Variants in SCRG1 observed in about 807,000 individuals in gnomAD.
SCRG1 encodes stimulator of chondrogenesis 1.
In SCRG1, 3 loss-of-function variants were observed where a neutral mutation model predicts 7.7. The observed-to-expected ratio is 0.39, with a 90% CI of 0.18 to 1.01. SCRG1 has a LOEUF of 1.01. SCRG1 is among the 50% of genes least tolerant of loss of function. The pLI, the probability that SCRG1 is intolerant of heterozygous loss-of-function variation, is 0.36. For synonymous variants in SCRG1, 46 were observed against 41.2 expected (o/e 1.12, Z -0.44); for missense variants, 110 against 117.2 (o/e 0.94, Z 0.28).
the SCRG1 span, among the ~76,000 whole-genome samples, chr4:173,461,021 T>G: frequency 6.6e-6 from 1 of 152,164 alleles, no homozygotes; most frequent in Admixed American, 6.5e-5. Flanking sequence ...AAGGACTGTG[T>G]CTTATGGTTT....
At chr4:173,394,083 T>C (rs1578962794) in intron 1 of SCRG1, among the ~76,000 whole-genome samples, 2 of 152,076 alleles carry the variant, frequency 1.3e-5, no homozygotes, top group South Asian at 4.1e-4. Flanking sequence ...CTAAGTCTTT[T>C]GATTGGAGAG....
At chr4:173,457,439 CT>C in the SCRG1 span, among the ~76,000 whole-genome samples, 24 of 152,152 alleles carry the variant, frequency 1.6e-4, no homozygotes, top group African/African-American at 5.3e-4. Flanking sequence ...AAAAGAAAAG[CT>C]TTTTTTGTCT....
chr4:173,452,442 T>C, the SCRG1 span, among the ~76,000 whole-genome samples: 1 of 152,256 alleles, frequency 6.6e-6, no homozygotes, highest in South Asian at 2.1e-4. Context: ...AGTGGACCCA[T>C]GCAGTTCAAA....
At chr4:173,471,738 T>C in the SCRG1 span, among the ~76,000 whole-genome samples, 5 of 152,188 alleles carry the variant, frequency 3.3e-5, no homozygotes, top group Non-Finnish European at 5.9e-5. Flanking sequence ...TTTTGCTTTT[T>C]TGCTCTTGTT....
chr4:173,392,868 A>T (rs991690862), intron 1 of SCRG1, among the ~76,000 whole-genome samples: 1 of 152,234 alleles, frequency 6.6e-6, no homozygotes, highest in Non-Finnish European at 1.5e-5. Context: ...AACCCGGCAG[A>T]TCACCTGAGG....
chr4:173,466,156 C>A, the SCRG1 span, among the ~76,000 whole-genome samples: 1 of 152,144 alleles, frequency 6.6e-6, no homozygotes, highest in Non-Finnish European at 1.5e-5. Flanking sequence ...AGCTTACACT[C>A]GTGGCCAAAT....
the SCRG1 span, among the ~76,000 whole-genome samples, chr4:173,486,836 C>T: frequency 7.2e-5 from 11 of 152,166 alleles, no homozygotes; most frequent in Non-Finnish European, 1.5e-4. Flanking sequence ...GACCACATCC[C>T]TCTGGAATTT....
the SCRG1 span, among the ~76,000 whole-genome samples, chr4:173,447,124 C>T: frequency 6.6e-6 from 1 of 152,194 alleles, no homozygotes; most frequent in African/African-American, 2.4e-5. Flanking sequence ...TTATTTCTCA[C>T]AGTGCTGGAG....
In SCRG1 at chr4:173,388,375, T is replaced by C; in HGVS notation, c.263A>G (p.Lys88Arg). Residue 88 changes from lysine (K) to arginine (R), a missense_variant, in exon 3 of 3, where the codon AAG (lysine) becomes AGG (arginine). Physicochemically the swap from Lys to Arg is conservative, Grantham distance 26 (BLOSUM62 2). Transcript: ENST00000296506. ...CCPKDVFFGP[K>R]ISFVIPCNNQ ...GTTGCAAGGAATCACGAAAGAGATC[T>C]TTGGTCCAAAGAAAACGTCTCTGAA... 1 of 1,612,228 alleles carries C rather than the reference T, an allele frequency of 6.2e-7. No homozygotes were observed. Among genetic ancestry groups the C allele is most frequent in the Admixed American group, 1.7e-5 (1 of 59,848 alleles).
the SCRG1 span, among the ~76,000 whole-genome samples, chr4:173,504,962 G>A: frequency 6.6e-6 from 1 of 152,228 alleles, no homozygotes; most frequent in Non-Finnish European, 1.5e-5. The surrounding 1 kb of genome is among the most constrained non-coding windows in gnomAD (Gnocchi z 4.7). Context: ...TCACTTGTCT[G>A]TCAGCCTTGA....
chr4:173,396,332 G>A (rs1015598762), intron 1 of SCRG1, among the ~76,000 whole-genome samples: 1 of 152,314 alleles, frequency 6.6e-6, no homozygotes, highest in East Asian at 1.9e-4. Flanking sequence ...GATATTTATT[G>A]ATAGTATCTA....
chr4:173,483,783 C>G, the SCRG1 span, among the ~76,000 whole-genome samples: 25 of 19,230 alleles, frequency 1.3e-3, 7 homozygotes, highest in East Asian at 7.0e-3. Context: ...TATGATATAT[C>G]ATATATCATA....
At chr4:173,409,569 G>T (rs13114285), upstream of SCRG1, among the ~76,000 whole-genome samples, 3,232 of 147,740 alleles carry the variant, frequency 0.022, 47 homozygotes, top group Non-Finnish European at 0.035. Context: ...CTGGATCTGC[G>T]TTGGTAGTTC....
the SCRG1 span, among the ~76,000 whole-genome samples, chr4:173,480,564 C>T: frequency 6.6e-6 from 1 of 152,046 alleles, no homozygotes. Context: ...TGAAACATCA[C>T]ACTGTACTCC....
chr4:173,445,713 C>T, the SCRG1 span, among the ~76,000 whole-genome samples: 22 of 149,868 alleles, frequency 1.5e-4, no homozygotes, highest in South Asian at 1.3e-3. Context: ...TCTTCTAGGC[C>T]GGAGTGCAGT....
the SCRG1 span, among the ~76,000 whole-genome samples, chr4:173,519,071 A>G: frequency 2.6e-5 from 4 of 151,720 alleles, no homozygotes; most frequent in African/African-American, 9.7e-5. Context: ...CGTCTACGCT[A>G]TTAGCAGCCA....
chr4:173,414,245 A>T, the SCRG1 span, among the ~76,000 whole-genome samples: 1 of 152,198 alleles, frequency 6.6e-6, no homozygotes, highest in Non-Finnish European at 1.5e-5. Flanking sequence ...TTCCTCCCTG[A>T]CATCTGTGCC....
the SCRG1 span, among the ~76,000 whole-genome samples, chr4:173,417,181 A>G: frequency 6.6e-6 from 1 of 152,184 alleles, no homozygotes; most frequent in African/African-American, 2.4e-5. Flanking sequence ...TTGTCTTTTT[A>G]CATTTAGTTG....
chr4:173,449,779 A>G, the SCRG1 span, among the ~76,000 whole-genome samples: 1 of 152,262 alleles, frequency 6.6e-6, no homozygotes, highest in African/African-American at 2.4e-5. Context: ...GCCATTTGAC[A>G]TTTTTGAGTG....
Sources: allele counts gnomAD v4.1 joint callset (sites outside exome capture counted in the v4.1 genomes callset), GRCh38; gene constraint gnomAD v4.1.1; non-coding constraint Gnocchi (gnomAD v3.1); transcripts MANE v1.5; gene names NCBI Gene and HGNC (gene_info 2026-07-23, HGNC 2026-07-21).